CSMD1: variants seen among roughly 807,000 people sequenced by gnomAD.
The protein encoded by CSMD1 is CUB and sushi domain-containing protein 1.
Under a neutral mutation model 417.5 loss-of-function variants are expected in CSMD1, and 213 were observed. That is an observed-to-expected ratio of 0.51 (90% CI 0.46 to 0.57). CSMD1 has a LOEUF of 0.57. Among genes scored for constraint, CSMD1 ranks in the 20% least tolerant of loss-of-function variants. The pLI is 0.00. For synonymous variants in CSMD1, 2,862 were observed against 1,736.8 expected (o/e 1.65, Z -16.11); for missense variants, 6,923 against 4,529.7 (o/e 1.53, Z -15.17).
chr8:3,762,390 C>G (rs1482753501), intron 5 of CSMD1, among the ~76,000 whole-genome samples: 1 of 152,200 alleles, frequency 6.6e-6, no homozygotes, highest in Non-Finnish European at 1.5e-5. Flanking sequence ...GATCAGGCAG[C>G]TCCTCCTTGG....
At chr8:3,367,594 A>T (rs919297423) in intron 19 of CSMD1, among the ~76,000 whole-genome samples, 1 of 152,318 alleles carries the variant, frequency 6.6e-6, no homozygotes, top group South Asian at 2.1e-4. Context: ...TTTGAAGTTT[A>T]AGAGGAAAAT....
intron 4 of CSMD1, among the ~76,000 whole-genome samples, chr8:4,016,762 G>C (rs189472772): frequency 6.5e-4 from 99 of 152,308 alleles, no homozygotes; most frequent in African/African-American, 2.1e-3. Context: ...GGGCTCTGTT[G>C]ACCTAAGTTT....
At chr8:4,165,336 G>C (rs753776004) in intron 3 of CSMD1, among the ~76,000 whole-genome samples, 2 of 152,218 alleles carry the variant, frequency 1.3e-5, no homozygotes, top group African/African-American at 4.8e-5. Flanking sequence ...GCGCAAACAC[G>C]TGGTGTCCCA....
At chr8:4,299,741 A>T (rs1797879140) in intron 3 of CSMD1, among the ~76,000 whole-genome samples, 1 of 151,912 alleles carries the variant, frequency 6.6e-6, no homozygotes, top group Non-Finnish European at 1.5e-5. Flanking sequence ...AGCGATTGTC[A>T]TGCCTCAGCC....
chr8:4,418,431 G>A (rs1035205719), intron 3 of CSMD1, among the ~76,000 whole-genome samples: 3 of 152,054 alleles, frequency 2.0e-5, no homozygotes, highest in African/African-American at 7.2e-5. Context: ...TTCATATAGT[G>A]ATTTCTCAAC....
At chr8:4,512,698 C>T (rs911622252) in intron 2 of CSMD1, among the ~76,000 whole-genome samples, 1 of 151,590 alleles carries the variant, frequency 6.6e-6, no homozygotes, top group Non-Finnish European at 1.5e-5. Flanking sequence ...TTAGCATACC[C>T]CAAAATGAAA....
At chr8:4,425,941 T>C (rs1483050275) in intron 2 of CSMD1, among the ~76,000 whole-genome samples, 2 of 152,140 alleles carry the variant, frequency 1.3e-5, no homozygotes, top group Non-Finnish European at 2.9e-5. Context: ...AATACAAGCA[T>C]GCTAAAGTAT....
intron 49 of CSMD1, among the ~76,000 whole-genome samples, chr8:3,075,287 T>A (rs1447710554): frequency 6.6e-6 from 1 of 150,834 alleles, no homozygotes; most frequent in Non-Finnish European, 1.5e-5. Flanking sequence ...TTTCTTTTTT[T>A]TTTTTTTTAG....
At chr8:4,125,706 A>G (rs1475650220) in intron 3 of CSMD1, among the ~76,000 whole-genome samples, 1 of 152,178 alleles carries the variant, frequency 6.6e-6, no homozygotes, top group Non-Finnish European at 1.5e-5. Context: ...AGGCTGAACT[A>G]AATTTGCGAA....
chr8:4,309,101 C>G (rs190381548), intron 3 of CSMD1, among the ~76,000 whole-genome samples: 5 of 152,120 alleles, frequency 3.3e-5, no homozygotes, highest in African/African-American at 4.8e-5. Context: ...GTCACTTGTT[C>G]TATCTAGTTT....
chr8:4,927,029 A>T (rs1202727097), intron 1 of CSMD1, among the ~76,000 whole-genome samples: 8 of 151,758 alleles, frequency 5.3e-5, no homozygotes, highest in Non-Finnish European at 1.2e-4. Flanking sequence ...TATCTAAAAG[A>T]CATGCTTCAG....
At chr8:4,370,632 A>T (rs2128912641) in intron 3 of CSMD1, among the ~76,000 whole-genome samples, 1 of 152,278 alleles carries the variant, frequency 6.6e-6, no homozygotes, top group East Asian at 1.9e-4. Context: ...GTCCATTTTT[A>T]AAAATTCATT....
chr8:4,181,063 T>C (rs1402383968), intron 3 of CSMD1, among the ~76,000 whole-genome samples: 2 of 152,206 alleles, frequency 1.3e-5, no homozygotes, highest in African/African-American at 2.4e-5. Context: ...TCTCCAAATA[T>C]GAAAATAGGA....
At chr8:3,537,208 C>A (rs1255749433) in intron 10 of CSMD1, among the ~76,000 whole-genome samples, 1 of 152,070 alleles carries the variant, frequency 6.6e-6, no homozygotes, top group East Asian at 1.9e-4. Flanking sequence ...ACCATGTTGG[C>A]CAAGATAGTC....
intron 1 of CSMD1, among the ~76,000 whole-genome samples, chr8:4,985,672 T>G (rs905253408): frequency 1.4e-4 from 21 of 152,230 alleles, no homozygotes; most frequent in African/African-American, 5.1e-4. Context: ...TATTCTCACC[T>G]GAATTTCCCT....
At chr8:4,391,088 G>C (rs567853078) in intron 3 of CSMD1, among the ~76,000 whole-genome samples, 2 of 152,204 alleles carry the variant, frequency 1.3e-5, no homozygotes, top group Non-Finnish European at 2.9e-5. Context: ...CCTGGAATGA[G>C]GACATAAACT....
At chr8:4,414,940 C>G (rs1470787460) in intron 3 of CSMD1, among the ~76,000 whole-genome samples, 1 of 152,126 alleles carries the variant, frequency 6.6e-6, no homozygotes, top group East Asian at 1.9e-4. Flanking sequence ...GTTCTGTCTT[C>G]TCCCTGCATT....
intron 37 of CSMD1, among the ~76,000 whole-genome samples, chr8:3,179,465 A>G (rs1028325431): frequency 6.6e-6 from 1 of 152,210 alleles, no homozygotes; most frequent in Non-Finnish European, 1.5e-5. Context: ...TCTGAATGAG[A>G]AATATGTTAG....
At chr8:4,781,198 G>A (rs972988640) in intron 1 of CSMD1, among the ~76,000 whole-genome samples, 2 of 152,308 alleles carry the variant, frequency 1.3e-5, no homozygotes, top group African/African-American at 4.8e-5. Flanking sequence ...CCGCAAGAAA[G>A]GAAAGAAGCC....
Sources: gnomAD v4.1 joint callset for allele counts (sites outside exome capture counted in the v4.1 genomes callset) on GRCh38, gnomAD v4.1.1 for gene constraint, MANE v1.5 for transcripts, NCBI Gene and HGNC (gene_info 2026-07-23, HGNC 2026-07-21) for gene names.